Variants in NRIP1 observed in about 807,000 individuals in gnomAD.
The protein encoded by NRIP1 is nuclear receptor-interacting protein 1.
Under a neutral mutation model 75.0 loss-of-function variants are expected in NRIP1, and 28 were observed. The ratio of observed to expected loss-of-function variants is 0.37; its 90% confidence interval spans 0.28 to 0.51. The LOEUF (loss-of-function observed/expected upper bound fraction) is 0.51, where lower values mean the gene tolerates loss of function less well. Ranked by LOEUF, NRIP1 falls within the 20% of genes least tolerant of loss-of-function variation. The pLI is 0.92. For synonymous variants in NRIP1, 526 were observed against 487.6 expected (o/e 1.08, Z -1.04); for missense variants, 1,435 against 1,343.7 (o/e 1.07, Z -1.06).
intron 2 of NRIP1, 73 bp from the exon 3 acceptor site, chr21:15,014,539 A>C: frequency 2.5e-6 from 1 of 398,182 alleles, no homozygotes. Context: ...ATCAAGTTCA[A>C]CTTATCCCAT....
chr21:14,974,180 TC>T (rs2086985305), intron 3 of NRIP1: 1 of 152,178 alleles, frequency 6.6e-6, no homozygotes, highest in Non-Finnish European at 1.5e-5. Flanking sequence ...ACATTGTAAT[TC>T]AATTCTTCAT....
At chr21:14,990,757 C>A (rs184339267) in intron 3 of NRIP1, among the ~76,000 whole-genome samples, 129 of 152,302 alleles carry the variant, frequency 8.5e-4, no homozygotes, top group African/African-American at 2.8e-3. Flanking sequence ...GGTTCTCCCT[C>A]AGAGGGCTAG....
chr21:15,032,910 T>C (rs1330147071), intron 2 of NRIP1, among the ~76,000 whole-genome samples: 9 of 152,174 alleles, frequency 5.9e-5, no homozygotes, highest in Non-Finnish European at 1.2e-4. Context: ...TTTTAAATAA[T>C]GGGCCACTGA....
chr21:15,034,917 T>C (rs2088797565), intron 2 of NRIP1, among the ~76,000 whole-genome samples: 1 of 152,230 alleles, frequency 6.6e-6, no homozygotes, highest in South Asian at 2.1e-4. Context: ...TACATTAGAA[T>C]TAACAATATT....
rs1467025221 is a variant in NRIP1 at position 14,966,626 on chromosome 21, G to A, written c.1567C>T (p.His523Tyr). 2 of 1,614,102 alleles carry A rather than the reference G, an allele frequency of 1.2e-6. No individual in the cohort carries two copies. Among genetic ancestry groups the A allele is most frequent in the Non-Finnish European group, 1.7e-6 (2 of 1,179,988 alleles). Reference protein sequence around the residue: ...VEKNTSPQGVHNDVSKFNTQN... With the variant: ...VEKNTSPQGVYNDVSKFNTQN... ...GTATTGAACTTGCTCACATCATTGTGTACTCCCTGAGGGCTGGTGTTTTTT... is the reference window on the plus strand; with the variant it reads ...GTATTGAACTTGCTCACATCATTGTATACTCCCTGAGGGCTGGTGTTTTTT... The change falls in exon 4 of 4, where the codon CAC (histidine) becomes TAC (tyrosine). Residue 523 changes from histidine to tyrosine, a missense_variant. Transcript: ENST00000318948.
intron 1 of NRIP1, among the ~76,000 whole-genome samples, chr21:15,044,355 G>A (rs1233310433): frequency 6.6e-6 from 1 of 150,572 alleles, no homozygotes; most frequent in African/African-American, 2.5e-5. Context: ...CACTGACGTG[G>A]AAAAGTTCAT....
chr21:14,966,408 T>C lies in NRIP1; in HGVS notation c.1785A>G (p.Ala595=). ...STQSEKLTNT[A]SNHSMDLTKS... ...TTGTAAGGTCCATTGAGTGGTTAGA[T>C]GCAGTATTTGTTAGCTTTTCAGACT... is the stretch of plus-strand genomic sequence containing the variant. The change falls in exon 4 of 4, where the codon GCA becomes GCG. Residue 595 remains alanine (A), a synonymous_variant. Transcript: ENST00000318948. 1 of 1,614,122 alleles carries C rather than the reference T, an allele frequency of 6.2e-7. No individual in the cohort carries two copies. Among genetic ancestry groups the C allele is most frequent in the Non-Finnish European group, 8.5e-7 (1 of 1,179,974 alleles).
At chr21:15,042,624 A>G (rs2088982319) in intron 2 of NRIP1, among the ~76,000 whole-genome samples, 2 of 152,218 alleles carry the variant, frequency 1.3e-5, no homozygotes, top group Non-Finnish European at 2.9e-5. Context: ...GGTCCCAATA[A>G]TTCTCTGGCC....
At chr21:14,979,880 TTGTTA>T (rs1360692712) in intron 3 of NRIP1, among the ~76,000 whole-genome samples, 1 of 144,820 alleles carries the variant, frequency 6.9e-6, no homozygotes, top group African/African-American at 2.5e-5. Context: ...ATTTGTTTGC[TTGTTA>T]TAACTGATCA....
Position 14,966,967 on chromosome 21 carries a change from C to T in NRIP1, c.1226G>A (p.Ser409Asn). 6.2e-7 allele frequency: 1 copy of T among 1,614,152 alleles called. No homozygotes were observed. The highest frequency in any genetic ancestry group is 8.5e-7 in the Non-Finnish European group (1 of 1,180,012). ...SERGSIFEES[S>N]TPTTIDEYSD... ...ATATTCATCAATAGTTGTAGGTGTA[C>T]TACTTTCCTCAAAAATGCTTCCTCT... Residue 409 changes from serine to asparagine, a missense_variant, in exon 4 of 4, where the codon AGT (serine) becomes AAT (asparagine). By Grantham distance (46) the Ser-to-Asn change is conservative. Coordinates refer to ENST00000318948, the MANE Select transcript of NRIP1 (RefSeq NM_003489.4).
At chr21:14,993,729 G>A (rs1277984759) in intron 3 of NRIP1, among the ~76,000 whole-genome samples, 2 of 151,918 alleles carry the variant, frequency 1.3e-5, no homozygotes, top group Non-Finnish European at 2.9e-5. Context: ...AGGCTGCAGT[G>A]AGGTGAGATC....
intron 1 of NRIP1, among the ~76,000 whole-genome samples, chr21:15,047,605 G>A (rs966979195): frequency 4.6e-5 from 7 of 152,086 alleles, no homozygotes; most frequent in African/African-American, 1.4e-4. Context: ...TCACTATCAC[G>A]AGAACAGCAT....
chr21:15,025,725 A>G (rs897283181), intron 2 of NRIP1, among the ~76,000 whole-genome samples: 21 of 152,168 alleles, frequency 1.4e-4, no homozygotes, highest in East Asian at 1.9e-4. Context: ...ACACAGTATC[A>G]CTTCTGTGAT....
chr21:15,058,523 T>G (rs1459437784), intron 1 of NRIP1, among the ~76,000 whole-genome samples: 1 of 152,146 alleles, frequency 6.6e-6, no homozygotes, highest in Non-Finnish European at 1.5e-5. Context: ...AAAAGCATGC[T>G]TCTCAGAAAT....
chr21:14,970,617 C>A (rs2086877400), intron 3 of NRIP1, among the ~76,000 whole-genome samples: 1 of 152,092 alleles, frequency 6.6e-6, no homozygotes, highest in East Asian at 1.9e-4. Flanking sequence ...ATTTAACAAC[C>A]ATTTAATGGG....
intron 3 of NRIP1, among the ~76,000 whole-genome samples, chr21:14,997,434 T>C (rs943214116): frequency 4.6e-5 from 7 of 151,992 alleles, no homozygotes; most frequent in Non-Finnish European, 8.8e-5. Context: ...ACAAAGAATA[T>C]ATACTTTGGG....
chr21:15,031,644 G>A lies in NRIP1; in HGVS notation c.-458+11851C>T, dbSNP rs533070662. Among the ~76,000 whole-genome samples, 16 of 84,330 alleles carry A rather than the reference G, an allele frequency of 1.9e-4. 1 individual carries two copies. The East Asian group carries it at 7.1e-3, about 37-fold the overall frequency. The allele number at this position is 84,330 out of a possible 152,430, so 55.3% of individuals were successfully genotyped here. On this transcript the variant is annotated intron_variant, in intron 2 of 3. Transcript: ENST00000318948. ...GTGTATACACTCTGGAAGGCGCTCG[G>A]AGGATCACTACATTCCCTTTCTATG...
chr21:15,048,146 A>G (rs2089126786), intron 1 of NRIP1, among the ~76,000 whole-genome samples: 1 of 152,188 alleles, frequency 6.6e-6, no homozygotes, highest in Non-Finnish European at 1.5e-5. Context: ...GTAACATCAA[A>G]GATCACTGAT....
chr21:14,966,756 A>G lies in NRIP1; in HGVS notation c.1437T>C (p.Asp479=), dbSNP rs2086758665. The change falls in exon 4 of 4, where the codon GAT becomes GAC. Residue 479 remains aspartate (D), a synonymous_variant. Coordinates refer to ENST00000318948, the MANE Select transcript of NRIP1 (RefSeq NM_003489.4). ...TTGAGGTATCTTGATCTTCTTTGATATCTACATCTGGGACTTTTGGATCCC... is the reference window on the plus strand; with the variant it reads ...TTGAGGTATCTTGATCTTCTTTGATGTCTACATCTGGGACTTTTGGATCCC... The part of the protein sequence containing the change: ...NTWDPKVPDV[D]IKEDQDTSKN... 1 of 1,614,104 alleles carries G rather than the reference A, an allele frequency of 6.2e-7. No homozygotes were observed. Among genetic ancestry groups the G allele is most frequent in the Middle Eastern group, 1.7e-4 (1 of 6,060 alleles).
Sources: allele counts gnomAD v4.1 joint callset (sites outside exome capture counted in the v4.1 genomes callset), GRCh38; gene constraint gnomAD v4.1.1; transcripts MANE v1.5; gene names NCBI Gene and HGNC (gene_info 2026-07-23, HGNC 2026-07-21).